HADH: variants seen among roughly 807,000 people sequenced by gnomAD.
The protein encoded by HADH is hydroxyacyl-CoA dehydrogenase.
In HADH, 24 loss-of-function variants were observed where a neutral mutation model predicts 32.2. The ratio of observed to expected loss-of-function variants is 0.75; its 90% CI spans 0.54 to 1.05. The LOEUF (loss-of-function observed/expected upper bound fraction) is 1.05, where lower values mean the gene tolerates loss of function less well. Ranked by LOEUF, HADH falls within the 50% of genes least tolerant of loss-of-function variation. The pLI is 0.00. For missense variants in HADH, 350 were observed against 397.1 expected (o/e 0.88, Z 1.01); for synonymous variants, 139 against 152.5 (o/e 0.91, Z 0.65).
chr4:108,032,790 C>G (rs1446959855), intron 6 of HADH: 1 of 329,552 alleles, frequency 3.0e-6, no homozygotes, highest in Admixed American at 4.5e-5. Flanking sequence ...TGAGCCCAGA[C>G]TGGCCAAATG....
In HADH at chr4:108,035,136, T is replaced by TA. The variant is rs1242989318; in HGVS notation, c.*779_*780insA. The TA allele has an allele frequency of 6.6e-6, 1 of 152,316 alleles. No individual in the cohort carries two copies. The highest frequency in any genetic ancestry group is 1.5e-5 in the Non-Finnish European group (1 of 68,120). The allele number at this position is 152,316 out of a possible 1,614,324, so 9.4% of individuals were successfully genotyped here. A position where few individuals can be genotyped will look rare whatever the true frequency, so the allele number is the denominator to read the frequency against. On this transcript the variant is annotated 3_prime_UTR_variant, in exon 8 of 8. Transcript: ENST00000309522. ...AATATAAAATTGTAATACACTCAAA[T>TA]GATTATAAAAGTAAAAGTTGGTAAT... is the stretch of plus-strand genomic sequence containing the variant.
intron 4 of HADH, among the ~76,000 whole-genome samples, chr4:108,022,662 C>A: frequency 6.6e-6 from 1 of 152,214 alleles, no homozygotes; most frequent in Middle Eastern, 3.4e-3. Flanking sequence ...TCAGGTCCCA[C>A]GTAGAAGACT....
At chr4:108,032,311 G>A (rs367610300) in intron 6 of HADH, 137 of 1,553,470 alleles carry the variant, frequency 8.8e-5, no homozygotes, top group Non-Finnish European at 1.1e-4. Context: ...GATCCTTGTC[G>A]TAGTCTACTC....
At position 108,004,911 on chromosome 4, in the gene HADH, T is replaced by TA. The variant is rs1735243951; in HGVS notation, c.133-4845dup. On this transcript the variant is annotated intron_variant, in intron 1 of 7. Coordinates refer to ENST00000309522, the MANE Select transcript of HADH (RefSeq NM_005327.7). The stretch of plus-strand genomic sequence containing the variant: ...GGAAGCCCAGCTGGGAGGCTATTGT[T>TA]AAAGAGGTAAGATGACCCTAAACTA... 8 of 1,535,230 alleles carry TA rather than the reference T, an allele frequency of 5.2e-6. No individual in the cohort carries two copies. In the African/African-American group the frequency reaches 5.5e-5, roughly 10 times the overall value.
rs1312548582 is a variant in HADH at position 108,034,246 on chromosome 4, T to A, written c.834T>A (p.His278Gln). ...CTTCCCTCCGCTCAATAGGGTGGCA[T>A]GAAATGGATGCAGAGAACCCATTAC... ...DTTKFIVDGW[H>Q]EMDAENPLHQ... Residue 278 changes from histidine (H) to glutamine (Q), a missense_variant, in exon 8 of 8, where the codon CAT becomes CAA. By Grantham distance (24) the His-to-Gln change is conservative (BLOSUM62 0). Transcript: ENST00000309522. The A allele has an allele frequency of 1.9e-6, 3 of 1,601,806 alleles. No individual in the cohort carries two copies. The Admixed American group carries it at 5.0e-5, about 27-fold the overall frequency.
At position 108,009,888 on chromosome 4, in the gene HADH, G is replaced by A. The variant is rs1398546361; in HGVS notation, c.261+1G>A. The A allele has an allele frequency of 1.9e-6, 3 of 1,601,570 alleles. No individual in the cohort carries two copies. The highest frequency in any genetic ancestry group is 2.6e-6 in the Non-Finnish European group (3 of 1,168,898). ...GAAGAAGTTTGCAGAAAACCTTAAG[G>A]TAATTTCTTATTATCGATGTCTTCA... On this transcript the variant is annotated splice_donor_variant, in intron 2 of 7. Transcript: ENST00000309522. LOFTEE classifies it high-confidence loss of function.
intron 1 of HADH, chr4:108,004,652 T>C: frequency 6.6e-7 from 1 of 1,515,580 alleles, no homozygotes; most frequent in Non-Finnish European, 8.8e-7. Context: ...TGAACTTCCA[T>C]ATCTGTCATA....
At chr4:108,027,842 G>A (rs1454039836) in intron 6 of HADH, 82 bp downstream of exon 6, 16 of 839,446 alleles carry the variant, frequency 1.9e-5, no homozygotes, top group Non-Finnish European at 2.9e-5. Flanking sequence ...TCTAGGAGGG[G>A]TCGGGCCGTG....
At chr4:108,019,264 A>G (rs1462935699) in intron 3 of HADH, among the ~76,000 whole-genome samples, 1 of 152,192 alleles carries the variant, frequency 6.6e-6, no homozygotes, top group Non-Finnish European at 1.5e-5. Flanking sequence ...GGTAGGGGAA[A>G]TTTTGTTCTG....
intron 6 of HADH, chr4:108,028,050 T>C (rs988131215): frequency 4.0e-6 from 2 of 500,380 alleles, no homozygotes; most frequent in African/African-American, 3.8e-5. Flanking sequence ...ATATCCTGGA[T>C]CTCTGCTTTT....
chr4:108,013,469 G>T (rs545040540), intron 2 of HADH, among the ~76,000 whole-genome samples: 1 of 152,234 alleles, frequency 6.6e-6, no homozygotes, highest in South Asian at 2.1e-4. Context: ...TGCTCAAGTT[G>T]CTCAGCTCTG....
intron 4 of HADH, among the ~76,000 whole-genome samples, chr4:108,020,554 G>A (rs1046170372): frequency 3.9e-5 from 6 of 152,150 alleles, no homozygotes; most frequent in Admixed American, 6.5e-5. Context: ...AAGGTGGAGC[G>A]GGGAGGCAGG....
At chr4:108,027,068 C>G (rs916356717) in intron 5 of HADH, 10 of 160,330 alleles carry the variant, frequency 6.2e-5, no homozygotes, top group African/African-American at 2.4e-4. Context: ...TGTCGGAGCA[C>G]GTGCCCTCAA....
At chr4:108,000,846 C>T (rs963647817) in intron 1 of HADH, among the ~76,000 whole-genome samples, 4 of 152,136 alleles carry the variant, frequency 2.6e-5, no homozygotes, top group Non-Finnish European at 4.4e-5. Flanking sequence ...ACTACAGAAT[C>T]GGGTTACTAC....
Position 108,009,690 on chromosome 4 carries a change from G to T in HADH, c.133-69G>T, listed in dbSNP as rs185119411. The T allele has an allele frequency of 1.9e-3, 2,520 of 1,331,342 alleles. 39 individuals are homozygous for T. In the African/African-American group the frequency reaches 0.031, roughly 16 times the overall value. The allele number at this position is 1,331,342 out of a possible 1,614,324, so 82.5% of individuals were successfully genotyped here. A position where few individuals can be genotyped will look rare whatever the true frequency, so the allele number is the denominator to read the frequency against. On this transcript the variant is annotated intron_variant, in intron 1 of 7. Transcript: ENST00000309522. ...ATATGAAATGCCACTGTTTTTTGGG[G>T]TGGGGTGTGTGCGCGTGCGTGTTAT... is the stretch of plus-strand genomic sequence containing the variant.
intron 2 of HADH, among the ~76,000 whole-genome samples, chr4:108,011,148 A>G (rs564587022): frequency 1.6e-4 from 25 of 152,256 alleles, no homozygotes; most frequent in African/African-American, 6.0e-4. Context: ...CTCCCGGCCA[A>G]CTTCATTCCT....
chr4:108,024,179 A>G (rs996176395), intron 5 of HADH: 7 of 152,432 alleles, frequency 4.6e-5, no homozygotes, highest in African/African-American at 1.7e-4. Context: ...AGTTGCTGAA[A>G]TGATAACCTA....
chr4:108,010,210 A>G (rs979822445), intron 2 of HADH, among the ~76,000 whole-genome samples: 2 of 152,134 alleles, frequency 1.3e-5, no homozygotes, highest in Admixed American at 6.5e-5. Flanking sequence ...TTGTTTTGCT[A>G]AAAGGATGGA....
At position 108,009,696 on chromosome 4, in the gene HADH, T is replaced by C. The variant is rs1442428741; in HGVS notation, c.133-63T>C. 4.2e-6 allele frequency: 6 copies of C among 1,433,500 alleles called. No individual in the cohort carries two copies. The South Asian group carries it at 5.8e-5, about 14-fold the overall frequency. 88.8% of individuals were successfully genotyped at this position (1,433,500 alleles called of 1,614,324 possible). ...AATGCCACTGTTTTTTGGGGTGGGG[T>C]GTGTGCGCGTGCGTGTTATGTTTTC... On this transcript the variant is annotated intron_variant, in intron 1 of 7. Coordinates refer to ENST00000309522, the MANE Select transcript of HADH (RefSeq NM_005327.7).
Sources: gnomAD v4.1 joint callset for allele counts (sites outside exome capture counted in the v4.1 genomes callset) on GRCh38, gnomAD v4.1.1 for gene constraint, MANE v1.5 for transcripts, NCBI Gene and HGNC (gene_info 2026-07-23, HGNC 2026-07-21) for gene names.